RSPH9: variants seen among roughly 807,000 people sequenced by gnomAD.
RSPH9 encodes the protein radial spoke head component 9.
Under a neutral mutation model 27.0 loss-of-function variants are expected in RSPH9, and 27 were observed. That is an observed-to-expected ratio of 1.00 (90% CI 0.74 to 1.38). The LOEUF is 1.38. RSPH9 is among the 40% of genes most tolerant of loss of function. The pLI, the probability that RSPH9 is intolerant of heterozygous loss-of-function variation, is 0.00. For synonymous variants in RSPH9, 145 were observed against 147.7 expected (o/e 0.98, Z 0.13); for missense variants, 347 against 357.4 (o/e 0.97, Z 0.24).
At chr6:43,651,116 G>A (rs1026035045) in intron 2 of RSPH9, among the ~76,000 whole-genome samples, 2 of 152,014 alleles carry the variant, frequency 1.3e-5, no homozygotes, top group Non-Finnish European at 2.9e-5. Flanking sequence ...TATTATCTTT[G>A]TGACACGTTG....
intron 4 of RSPH9, among the ~76,000 whole-genome samples, chr6:43,658,090 G>C (rs1772208634): frequency 6.6e-6 from 1 of 152,080 alleles, no homozygotes; most frequent in African/African-American, 2.4e-5. Flanking sequence ...AGGAGTTCGA[G>C]ACCAGTCTGG....
rs3800301 is a variant in RSPH9, at chr6:43,669,406, G to A, written c.671-1383G>A. 1.3e-3 allele frequency among the ~76,000 whole-genome samples: 202 copies of A among 152,348 alleles called. 5 individuals carry two copies. In the East Asian group the frequency reaches 0.035, roughly 26 times the overall value. On this transcript the variant is annotated intron_variant, in intron 4 of 4. Transcript: ENST00000372163. Reference sequence around the variant, plus strand: ...GTGCATGAGCTGCCATGAGGGTCAGGGGTTCCTGGCAATCAGGTTTCTTGG... The same window carrying A: ...GTGCATGAGCTGCCATGAGGGTCAGAGGTTCCTGGCAATCAGGTTTCTTGG...
At chr6:43,653,469 CAT>C (rs1771695800) in intron 2 of RSPH9, among the ~76,000 whole-genome samples, 2 of 149,520 alleles carry the variant, frequency 1.3e-5, no homozygotes, top group South Asian at 4.2e-4. Context: ...AAAAAAAGAC[CAT>C]ATAGACATCA....
At position 43,671,268 on chromosome 6, in the gene RSPH9, C is replaced by T; in HGVS notation, c.*319C>T. 1 of 495,884 alleles carries T rather than the reference C, an allele frequency of 2.0e-6. No individual in the cohort carries two copies. The highest frequency in any genetic ancestry group is 3.7e-6 in the Non-Finnish European group (1 of 273,654). The allele number at this position is 495,884 out of a possible 1,614,324, so 30.7% of individuals were successfully genotyped here. On this transcript the variant is annotated 3_prime_UTR_variant, in exon 5 of 5. Coordinates refer to ENST00000372163, the MANE Select transcript of RSPH9 (RefSeq NM_152732.5). The stretch of plus-strand genomic sequence containing the variant: ...GTGTGTCAGGCAGCCCACCTTGGCT[C>T]CCTGCAGCTCTCCCACAGTAAGGAG...
chr6:43,652,728 CG>C (rs1312564250), intron 2 of RSPH9, among the ~76,000 whole-genome samples: 2,229 of 126,578 alleles, frequency 0.018, 74 homozygotes, highest in African/African-American at 0.067. Context: ...GCCCAACTTC[CG>C]GTTTTTTTTT....
chr6:43,652,730 GTTT>G (rs60114676), intron 2 of RSPH9, among the ~76,000 whole-genome samples: 1 of 126,794 alleles, frequency 7.9e-6, no homozygotes, highest in African/African-American at 3.4e-5. Flanking sequence ...CCAACTTCCG[GTTT>G]TTTTTTTTTT....
At chr6:43,656,032 C>CCTTA (rs755971629) in intron 3 of RSPH9, among the ~76,000 whole-genome samples, 1 of 118,876 alleles carries the variant, frequency 8.4e-6, no homozygotes, top group African/African-American at 4.5e-5. Context: ...TTCCTTCCTT[C>CCTTA]CTTCCCCTTC....
chr6:43,661,485 A>T (rs1309098506), intron 4 of RSPH9, among the ~76,000 whole-genome samples: 2 of 151,992 alleles, frequency 1.3e-5, no homozygotes, highest in African/African-American at 4.8e-5. Flanking sequence ...ATGTGGTGAA[A>T]CCCCATCTCT....
rs914595748 is a variant in RSPH9, at chr6:43,656,608, C to T, written c.555C>T (p.Ser185=). Residue 185 remains serine (S), a synonymous_variant, in exon 4 of 5, where the codon AGC becomes AGT. Transcript: ENST00000372163. ...CCTTGTCTGAGGCCAAGAAGCTCAG[C>T]TCCTACTTCCATTTCAGGGAGCCTG... ...GLSLSEAKKL[S]SYFHFREPVE... is the part of the protein sequence containing the mutation. The T allele has an allele frequency of 6.2e-7, 1 of 1,614,106 alleles. No homozygotes were observed. The highest frequency in any genetic ancestry group is 1.3e-5 in the African/African-American group (1 of 74,948).
In RSPH9 at chr6:43,651,436, C is replaced by A. The variant is rs117576603; in HGVS notation, c.393+896C>A. ...TTTTCATTTCACAAAATAATAAATC[C>A]GCATGTACAAAATTCAAAGGTACAA... On this transcript the variant is annotated intron_variant, in intron 2 of 4. Coordinates refer to ENST00000372163, the MANE Select transcript of RSPH9 (RefSeq NM_152732.5). 2.8e-4 allele frequency among the ~76,000 whole-genome samples: 42 copies of A among 152,204 alleles called. No individual in the cohort carries two copies. The East Asian group carries it at 7.3e-3, about 27-fold the overall frequency.
Position 43,645,207 on chromosome 6 carries a change from C to A in RSPH9, c.109C>A (p.Arg37Ser). 1 of 1,613,972 alleles carries A rather than the reference C, an allele frequency of 6.2e-7. No individual in the cohort carries two copies. The highest frequency in any genetic ancestry group is 1.1e-5 in the South Asian group (1 of 91,082). The change falls in exon 1 of 5, where the codon CGC (arginine) becomes AGC (serine). Residue 37 changes from arginine to serine, a missense_variant. Coordinates refer to ENST00000372163, the MANE Select transcript of RSPH9 (RefSeq NM_152732.5). ...SLLTSLMLVK[R>S]DYRYDRVLFW... ...GCTCACGTCTCTTATGCTGGTTAAGCGCGACTACCGCTATGATCGGGTTCT... is the reference window on the plus strand; with the variant it reads ...GCTCACGTCTCTTATGCTGGTTAAGAGCGACTACCGCTATGATCGGGTTCT...
intron 4 of RSPH9, among the ~76,000 whole-genome samples, chr6:43,665,889 G>T (rs1435085261): frequency 6.6e-6 from 1 of 151,996 alleles, no homozygotes; most frequent in Non-Finnish European, 1.5e-5. Flanking sequence ...CCAGTGGGAT[G>T]ATCTTGGCTC....
intron 4 of RSPH9, among the ~76,000 whole-genome samples, chr6:43,662,370 CTT>C (rs202057084): frequency 7.7e-5 from 11 of 143,710 alleles, no homozygotes; most frequent in Admixed American, 1.4e-4. Flanking sequence ...GTTTCACTTT[CTT>C]TTTTTTTTTT....
intron 2 of RSPH9, among the ~76,000 whole-genome samples, chr6:43,651,932 G>C (rs1167038827): frequency 6.6e-6 from 1 of 152,120 alleles, no homozygotes; most frequent in Admixed American, 6.6e-5. Flanking sequence ...GTAGAGTCTG[G>C]ATCAGAAGCT....
At chr6:43,664,269 C>A (rs957546151) in intron 4 of RSPH9, among the ~76,000 whole-genome samples, 1 of 152,124 alleles carries the variant, frequency 6.6e-6, no homozygotes, top group Non-Finnish European at 1.5e-5. Flanking sequence ...CGGAGTTTCT[C>A]GCCCAGGCTG....
intron 2 of RSPH9, among the ~76,000 whole-genome samples, chr6:43,655,107 G>C (rs1009252252): frequency 6.6e-6 from 1 of 152,226 alleles, no homozygotes; most frequent in Non-Finnish European, 1.5e-5. Context: ...GTAGGATTAT[G>C]AGTGGTTTTA....
chr6:43,655,534 C>T (rs1228563555), intron 2 of RSPH9, 28 bp from the exon 3 acceptor site: 5 of 1,613,968 alleles, frequency 3.1e-6, no homozygotes, highest in Middle Eastern at 1.7e-4. Context: ...AGTGCCCTGG[C>T]AGGGGGGCTC....
intron 2 of RSPH9, among the ~76,000 whole-genome samples, chr6:43,651,237 C>A (rs1319311448): frequency 6.6e-6 from 1 of 152,138 alleles, no homozygotes; most frequent in African/African-American, 2.4e-5. Flanking sequence ...AGAGGACATT[C>A]TCCTACCAGT....
At position 43,671,322 on chromosome 6, in the gene RSPH9, C is replaced by T; in HGVS notation, c.*373C>T. ...ACAGCTGTCATGAAGAGGATGGGAC[C>T]TGTTTGGCCCATGAATTCAATTGAC... On this transcript the variant is annotated 3_prime_UTR_variant, in exon 5 of 5. Transcript: ENST00000372163. 2 of 422,040 alleles carry T rather than the reference C, an allele frequency of 4.7e-6. No individual in the cohort carries two copies. The highest frequency in any genetic ancestry group is 4.8e-5 in the East Asian group (1 of 21,040). The allele number at this position is 422,040 out of a possible 1,614,324, so 26.1% of individuals were successfully genotyped here.
Sources: gnomAD v4.1 joint callset for allele counts (sites outside exome capture counted in the v4.1 genomes callset) on GRCh38, gnomAD v4.1.1 for gene constraint, MANE v1.5 for transcripts, NCBI Gene and HGNC (gene_info 2026-07-23, HGNC 2026-07-21) for gene names.